Variants in C10orf67 observed in about 807,000 individuals in gnomAD.
C10orf67 encodes chromosome 10 open reading frame 67, also known as uncharacterized protein C10orf67, mitochondrial.
C10orf67 carries 60 observed loss-of-function variants against 35.6 expected under a neutral mutation model. The ratio of observed to expected loss-of-function variants is 1.68; its 90% CI spans 1.37 to 2.09. The LOEUF is 2.09. Among genes scored for constraint, C10orf67 ranks in the 30% most tolerant of loss-of-function variants. The pLI is 0.00. For synonymous variants in C10orf67, 167 were observed against 115.8 expected (o/e 1.44, Z -2.84); for missense variants, 474 against 330.2 (o/e 1.44, Z -3.38).
intron 3 of C10orf67, among the ~76,000 whole-genome samples, chr10:23,321,808 C>A (rs1047346480): frequency 6.6e-6 from 1 of 151,904 alleles, no homozygotes; most frequent in Non-Finnish European, 1.5e-5. Context: ...TTTTCTGAGA[C>A]GGGGGTCTCG....
At position 23,267,190 on chromosome 10, in the gene C10orf67, C is replaced by G. The variant is rs1160662064; in HGVS notation, c.1035+5G>C. 2 of 709,662 alleles carry G rather than the reference C, an allele frequency of 2.8e-6. No homozygotes were observed. The highest frequency in any genetic ancestry group is 5.2e-6 in the Non-Finnish European group (2 of 382,924). The allele number at this position is 709,662 out of a possible 1,614,324, so 44.0% of individuals were successfully genotyped here. A position where few individuals can be genotyped will look rare whatever the true frequency, so the allele number is the denominator to read the frequency against. ...AAGAGAGAGAGAAAAAACTTAAATA[C>G]AAACCTTTACACTTAAGCTGCCATA... On this transcript the variant is annotated splice_donor_5th_base_variant and intron_variant, in intron 9 of 15. Coordinates refer to ENST00000636213, the MANE Select transcript of C10orf67 (RefSeq NM_001371909.1).
intron 10 of C10orf67, among the ~76,000 whole-genome samples, chr10:23,261,490 T>A (rs1163329415): frequency 6.6e-6 from 1 of 152,106 alleles, no homozygotes; most frequent in Non-Finnish European, 1.5e-5. Context: ...TTAAAAAATA[T>A]CTGTAGAGGT....
chr10:23,318,081 A>G (rs1211622055), intron 4 of C10orf67: 1 of 144,726 alleles, frequency 6.9e-6, no homozygotes, highest in Non-Finnish European at 1.5e-5. Flanking sequence ...AGCCTGGGAG[A>G]CAGTGAGATC....
chr10:23,270,147 G>A (rs1168609264), intron 8 of C10orf67, among the ~76,000 whole-genome samples: 3 of 152,138 alleles, frequency 2.0e-5, no homozygotes, highest in East Asian at 3.9e-4. Flanking sequence ...TAAAAATGGC[G>A]ACTGAATTCA....
chr10:23,252,644 T>A (rs914215564), intron 10 of C10orf67, among the ~76,000 whole-genome samples: 5 of 152,252 alleles, frequency 3.3e-5, no homozygotes, highest in Non-Finnish European at 5.9e-5. Flanking sequence ...GCCTGAAATT[T>A]CTCATTTGGG....
At chr10:23,220,733 C>T (rs1039094154) in intron 15 of C10orf67, among the ~76,000 whole-genome samples, 3 of 152,120 alleles carry the variant, frequency 2.0e-5, no homozygotes, top group Non-Finnish European at 4.4e-5. Context: ...AGAGTACCCA[C>T]CTAATAGGAT....
chr10:23,267,239 C>T lies in C10orf67; in HGVS notation c.991G>A (p.Glu331Lys). The T allele has an allele frequency of 1.4e-6, 1 of 715,756 alleles. No homozygotes were observed. Among genetic ancestry groups the T allele is most frequent in the Non-Finnish European group, 2.6e-6 (1 of 384,680 alleles). 44.3% of individuals were successfully genotyped at this position (715,756 alleles called of 1,614,324 possible). A position where few individuals can be genotyped will look rare whatever the true frequency, so the allele number is the denominator to read the frequency against. The change falls in exon 9 of 16, where the codon GAG becomes AAG. Residue 331 changes from glutamate (E) to lysine (K), a missense_variant. By Grantham distance (56) the Glu-to-Lys change is moderately conservative (BLOSUM62 1). Coordinates refer to ENST00000636213, the MANE Select transcript of C10orf67 (RefSeq NM_001371909.1). ...TACTTTTTTCTCATTTCCTTGTCCT[C>T]TTTCTGTTTATTAATCTGTAAAATT... is the stretch of plus-strand genomic sequence containing the variant. ...LVQDVINKQKEDKEMRKKYGS... is the reference protein window; with the variant it reads ...LVQDVINKQKKDKEMRKKYGS...
Position 23,322,406 on chromosome 10 carries a change from C to G in C10orf67, c.459G>C (p.Lys153Asn). 6.2e-7 allele frequency: 1 copy of G among 1,609,418 alleles called. No homozygotes were observed. Among genetic ancestry groups the G allele is most frequent in the Non-Finnish European group, 8.5e-7 (1 of 1,176,142 alleles). ...AGAGAACATTTACCTGTTGATAATG[C>G]TTTTCAATTTCTAGGATCCTGTCAT... ...ILHDRILEIEKHYQQNEDKMR... is the reference protein window; with the variant it reads ...ILHDRILEIENHYQQNEDKMR... Residue 153 changes from lysine to asparagine, a missense_variant, in exon 3 of 16, where the codon AAG becomes AAC. Coordinates refer to ENST00000636213, the MANE Select transcript of C10orf67 (RefSeq NM_001371909.1).
chr10:23,326,466 T>C (rs1398847374), intron 2 of C10orf67, among the ~76,000 whole-genome samples: 1 of 152,166 alleles, frequency 6.6e-6, no homozygotes, highest in African/African-American at 2.4e-5. Context: ...ACAGAAATTC[T>C]TTGCCTACAG....
chr10:23,263,109 G>T (rs550121329), intron 10 of C10orf67, among the ~76,000 whole-genome samples: 1 of 152,146 alleles, frequency 6.6e-6, no homozygotes, highest in African/African-American at 2.4e-5. Flanking sequence ...TAGCGCTGCC[G>T]GATAAACAAC....
intron 15 of C10orf67, among the ~76,000 whole-genome samples, chr10:23,222,210 G>C (rs941896803): frequency 3.3e-5 from 5 of 152,178 alleles, no homozygotes; most frequent in Non-Finnish European, 5.9e-5. Context: ...GTTTGTTTCA[G>C]TGGGGCTGCC....
chr10:23,293,839 G>C (rs1843795936), intron 5 of C10orf67, among the ~76,000 whole-genome samples: 1 of 152,226 alleles, frequency 6.6e-6, no homozygotes, highest in Admixed American at 6.5e-5. Context: ...GTACTTGGGA[G>C]CTTTGCTCCT....
At chr10:23,277,887 C>T (rs1028272443) in intron 8 of C10orf67, among the ~76,000 whole-genome samples, 11 of 152,062 alleles carry the variant, frequency 7.2e-5, no homozygotes, top group Non-Finnish European at 8.8e-5. Context: ...GTACAGGAAG[C>T]ACAGGGGCTT....
intron 4 of C10orf67, among the ~76,000 whole-genome samples, chr10:23,320,126 G>A (rs1456102639): frequency 6.6e-6 from 1 of 152,156 alleles, no homozygotes; most frequent in Non-Finnish European, 1.5e-5. Context: ...TACTTCACAA[G>A]CAATTACATA....
At chr10:23,255,128 G>A (rs1842567665) in intron 10 of C10orf67, among the ~76,000 whole-genome samples, 1 of 152,130 alleles carries the variant, frequency 6.6e-6, no homozygotes, top group African/African-American at 2.4e-5. Context: ...AGAAACACAC[G>A]AAACAAGGAC....
intron 2 of C10orf67, among the ~76,000 whole-genome samples, chr10:23,330,198 C>T (rs1316098978): frequency 1.3e-5 from 2 of 152,196 alleles, no homozygotes; most frequent in Non-Finnish European, 2.9e-5. Context: ...TGGCTCATGC[C>T]TGTATTCCCG....
chr10:23,295,259 A>G (rs1207998165), intron 5 of C10orf67, among the ~76,000 whole-genome samples: 3 of 152,238 alleles, frequency 2.0e-5, no homozygotes, highest in African/African-American at 7.2e-5. Flanking sequence ...CTGCTTACAT[A>G]TGAGCCGGTG....
At chr10:23,336,973 T>G (rs1845709763) in intron 1 of C10orf67, among the ~76,000 whole-genome samples, 1 of 152,040 alleles carries the variant, frequency 6.6e-6, no homozygotes, top group Non-Finnish European at 1.5e-5. Flanking sequence ...GAAGAAATGC[T>G]CAAAAGATGA....
intron 12 of C10orf67, among the ~76,000 whole-genome samples, chr10:23,241,349 G>A (rs1325591): frequency 0.21 from 32,308 of 152,118 alleles, 4,308 homozygotes; most frequent in Non-Finnish European, 0.29. Flanking sequence ...TTTAGATGAT[G>A]CAAACTAGGA....
Sources: allele counts gnomAD v4.1 joint callset (sites outside exome capture counted in the v4.1 genomes callset), GRCh38; gene constraint gnomAD v4.1.1; transcripts MANE v1.5; gene names NCBI Gene and HGNC (gene_info 2026-07-23, HGNC 2026-07-21).